The following STXBP5L variants were observed in gnomAD, a reference collection of about 807,000 sequenced individuals.
STXBP5L encodes syntaxin binding protein 5L, also known as syntaxin-binding protein 5-like.
In STXBP5L, 65 loss-of-function variants were observed where a neutral mutation model predicts 144.5. The observed-to-expected ratio is 0.45, with a 90% CI of 0.37 to 0.55. The LOEUF is 0.55. STXBP5L is among the 20% of genes least tolerant of loss of function. The pLI is 0.00. For synonymous variants in STXBP5L, 505 were observed against 469.6 expected (o/e 1.08, Z -0.97); for missense variants, 1,298 against 1,405.5 (o/e 0.92, Z 1.22).
intron 5 of STXBP5L, among the ~76,000 whole-genome samples, chr3:121,107,566 T>C (rs760719072): frequency 6.6e-6 from 1 of 152,120 alleles, no homozygotes; most frequent in Non-Finnish European, 1.5e-5. Flanking sequence ...TTCTGTTCCA[T>C]TGGTGTGTCT....
intron 22 of STXBP5L, among the ~76,000 whole-genome samples, chr3:121,402,809 T>TTGTGTGTG (rs2046911805): frequency 6.6e-6 from 1 of 151,998 alleles, no homozygotes; most frequent in Non-Finnish European, 1.5e-5. Flanking sequence ...ATCCTTTTGG[T>TTGTGTGTG]TGTGTGTGTA....
At chr3:121,016,667 A>T (rs1010614764) in intron 3 of STXBP5L, among the ~76,000 whole-genome samples, 20 of 152,228 alleles carry the variant, frequency 1.3e-4, no homozygotes, top group Admixed American at 1.0e-3. Context: ...CAGAAGCAGA[A>T]GAAAGAGTGA....
At chr3:121,224,756 AT>A (rs2049070607) in intron 11 of STXBP5L, among the ~76,000 whole-genome samples, 1 of 152,180 alleles carries the variant, frequency 6.6e-6, no homozygotes, top group South Asian at 2.1e-4. Context: ...GTCTTACAAT[AT>A]TTATGAATCA....
intron 5 of STXBP5L, among the ~76,000 whole-genome samples, chr3:121,068,358 A>G (rs548334488): frequency 2.0e-5 from 3 of 152,346 alleles, no homozygotes; most frequent in South Asian, 4.1e-4. Context: ...ATTTATTGAT[A>G]TAGCTAGGTT....
chr3:121,311,463 T>C (rs575454045), intron 19 of STXBP5L, among the ~76,000 whole-genome samples: 1 of 152,252 alleles, frequency 6.6e-6, no homozygotes. Context: ...ATCTTTATAA[T>C]GATTTGATAA....
chr3:120,982,439 G>T (rs1257772126), intron 3 of STXBP5L, among the ~76,000 whole-genome samples: 1 of 152,146 alleles, frequency 6.6e-6, no homozygotes. Flanking sequence ...AGGGGAGTTG[G>T]CTGCACCAGC....
chr3:121,061,186 G>T (rs1056141899), intron 5 of STXBP5L, among the ~76,000 whole-genome samples: 7 of 151,900 alleles, frequency 4.6e-5, no homozygotes, highest in African/African-American at 1.7e-4. Context: ...TGTTCTCATT[G>T]GTTTCAAAAA....
At chr3:121,160,087 CA>C (rs2046265515) in intron 9 of STXBP5L, among the ~76,000 whole-genome samples, 1 of 152,042 alleles carries the variant, frequency 6.6e-6, no homozygotes, top group Non-Finnish European at 1.5e-5. Context: ...TAATTCTGTT[CA>C]TTTTTGTTTT....
In STXBP5L at chr3:121,423,679, G is replaced by A. The variant is rs191698750; in HGVS notation, c.*4582G>A. 6.6e-6 allele frequency: 1 copy of A among 152,150 alleles called. No individual in the cohort carries two copies. Among genetic ancestry groups the A allele is most frequent in the African/African-American group, 2.4e-5 (1 of 41,446 alleles). 9.4% of individuals were successfully genotyped at this position (152,150 alleles called of 1,614,324 possible). On this transcript the variant is annotated 3_prime_UTR_variant, in exon 27 of 27. Coordinates refer to ENST00000471454, the MANE Select transcript of STXBP5L (RefSeq NM_001308330.2). ...GTGGGAACCAGACACCAATATTTGC[G>A]AAAGCCTCCAAGGCGGTTCTAATGT...
At chr3:121,040,940 A>G (rs1947104076) in intron 3 of STXBP5L, among the ~76,000 whole-genome samples, 1 of 152,124 alleles carries the variant, frequency 6.6e-6, no homozygotes, top group South Asian at 2.1e-4. Flanking sequence ...CCGTAAGTGG[A>G]GACTCTCATC....
At chr3:121,187,987 T>C (rs146141172) in intron 9 of STXBP5L, among the ~76,000 whole-genome samples, 8 of 152,314 alleles carry the variant, frequency 5.3e-5, no homozygotes, top group Non-Finnish European at 8.8e-5. Flanking sequence ...AAGAGCTAAC[T>C]ATCTTAAATA....
At chr3:121,128,530 G>T (rs1346466207) in intron 7 of STXBP5L, among the ~76,000 whole-genome samples, 1 of 151,988 alleles carries the variant, frequency 6.6e-6, no homozygotes, top group East Asian at 1.9e-4. Context: ...CCCTTTTAAG[G>T]CCCTTGTTGA....
intron 2 of STXBP5L, among the ~76,000 whole-genome samples, chr3:120,937,961 G>T (rs937958461): frequency 8.5e-5 from 13 of 152,096 alleles, no homozygotes; most frequent in Non-Finnish European, 2.9e-5. Context: ...AAATTGAGAA[G>T]TGTTTAGTGA....
intron 2 of STXBP5L, among the ~76,000 whole-genome samples, chr3:120,932,644 C>T (rs1363045213): frequency 6.6e-6 from 1 of 152,052 alleles, no homozygotes; most frequent in Non-Finnish European, 1.5e-5. Context: ...TGTGGCGATT[C>T]CTCAGGGATG....
At chr3:121,269,559 A>G (rs977149460) in intron 18 of STXBP5L, among the ~76,000 whole-genome samples, 4 of 152,164 alleles carry the variant, frequency 2.6e-5, no homozygotes, top group African/African-American at 4.8e-5. Flanking sequence ...CCACAGGGGA[A>G]CATGGTGAGT....
At chr3:121,029,075 A>C (rs1347494049) in intron 3 of STXBP5L, among the ~76,000 whole-genome samples, 1 of 152,196 alleles carries the variant, frequency 6.6e-6, no homozygotes, top group Non-Finnish European at 1.5e-5. Context: ...GGATAGGAAG[A>C]ATCAATATCG....
intron 2 of STXBP5L, among the ~76,000 whole-genome samples, chr3:120,922,739 G>C (rs537345345): frequency 1.2e-4 from 18 of 151,992 alleles, no homozygotes; most frequent in Middle Eastern, 3.4e-3. Context: ...GTTCTTGGTT[G>C]TGTTAGTGTG....
chr3:121,371,948 G>C (rs1045320167), intron 20 of STXBP5L, among the ~76,000 whole-genome samples: 1 of 152,230 alleles, frequency 6.6e-6, no homozygotes, highest in Non-Finnish European at 1.5e-5. Context: ...TCATGACAGG[G>C]TGCTCATGCA....
chr3:120,998,424 G>A (rs149672481), intron 3 of STXBP5L, among the ~76,000 whole-genome samples: 140 of 152,074 alleles, frequency 9.2e-4, no homozygotes, highest in African/African-American at 3.1e-3. Context: ...GGGTACATGT[G>A]CAGAACGTGC....
Sources: allele counts gnomAD v4.1 joint callset (sites outside exome capture counted in the v4.1 genomes callset), GRCh38; gene constraint gnomAD v4.1.1; transcripts MANE v1.5; gene names NCBI Gene and HGNC (gene_info 2026-07-23, HGNC 2026-07-21).